The following PCDH15 variants were observed in gnomAD, a reference collection of about 807,000 sequenced individuals.
PCDH15 encodes the protein protocadherin related 15.
Under a neutral mutation model 178.5 loss-of-function variants are expected in PCDH15, and 129 were observed. That is an observed-to-expected ratio of 0.72 (90% CI 0.63 to 0.84). PCDH15 has a LOEUF of 0.84. Among genes scored for constraint, PCDH15 ranks in the 40% least tolerant of loss-of-function variants. The probability of loss-of-function intolerance (pLI) is 0.00; values close to 1 mark genes in which losing one functional copy is unlikely to be tolerated. For missense variants in PCDH15, 2,230 were observed against 2,099.9 expected, an observed-to-expected ratio of 1.06 and a Z score of -1.21; for synonymous variants, 800 against 732.0, an observed-to-expected ratio of 1.09 and a Z score of -1.50.
chr10:55,503,214 A>C (rs1186327089), intron 2 of PCDH15, among the ~76,000 whole-genome samples: 1 of 151,242 alleles, frequency 6.6e-6, no homozygotes, highest in African/African-American at 2.4e-5. Context: ...TCCTCAATAC[A>C]ATTACAAAGT....
chr10:53,859,791 A>C (rs2078984251), intron 27 of PCDH15, among the ~76,000 whole-genome samples: 1 of 152,156 alleles, frequency 6.6e-6, no homozygotes, highest in Non-Finnish European at 1.5e-5. Flanking sequence ...CACTTTACAA[A>C]TATGATATAT....
intron 1 of PCDH15, among the ~76,000 whole-genome samples, chr10:54,687,688 C>A (rs966193552): frequency 6.6e-6 from 1 of 152,024 alleles, no homozygotes; most frequent in African/African-American, 2.4e-5. Flanking sequence ...CCTCGTTTTT[C>A]TGTATGTTTC....
At chr10:54,875,830 G>A (rs1403697665) in intron 3 of PCDH15, among the ~76,000 whole-genome samples, 3 of 152,200 alleles carry the variant, frequency 2.0e-5, no homozygotes, top group Non-Finnish European at 4.4e-5. Context: ...TAACATGAAA[G>A]TGCAAGGTGA....
chr10:54,793,415 A>G (rs896475258), intron 1 of PCDH15, among the ~76,000 whole-genome samples: 13 of 151,922 alleles, frequency 8.6e-5, no homozygotes, highest in African/African-American at 2.7e-4. Flanking sequence ...GCCATTCTGA[A>G]AAATCATGGA....
chr10:54,827,420 A>T (rs1953150391), intron 3 of PCDH15, among the ~76,000 whole-genome samples: 1 of 152,126 alleles, frequency 6.6e-6, no homozygotes, highest in Admixed American at 6.6e-5. Context: ...AACATGATCC[A>T]TTGAAAAAAT....
intron 3 of PCDH15, among the ~76,000 whole-genome samples, chr10:54,449,855 TC>T (rs1329925930): frequency 6.6e-6 from 1 of 151,612 alleles, no homozygotes; most frequent in Non-Finnish European, 1.5e-5. Context: ...GGGCGGCAGG[TC>T]CTGGAATCCA....
chr10:53,912,151 T>C, intron 25 of PCDH15, among the ~76,000 whole-genome samples: 1 of 151,930 alleles, frequency 6.6e-6, no homozygotes, highest in East Asian at 1.9e-4. Flanking sequence ...CATACACAAA[T>C]CAATAAACGT....
intron 2 of PCDH15, among the ~76,000 whole-genome samples, chr10:55,042,643 C>T (rs180764777): frequency 6.1e-4 from 93 of 152,124 alleles, no homozygotes; most frequent in African/African-American, 1.9e-3. Flanking sequence ...TTGACCCAAA[C>T]AAGTCAAAGG....
At chr10:54,150,807 T>C (rs1436962479) in intron 14 of PCDH15, among the ~76,000 whole-genome samples, 2 of 152,108 alleles carry the variant, frequency 1.3e-5, no homozygotes, top group African/African-American at 4.8e-5. Context: ...ATGACAACTA[T>C]ACATAATCTT....
At chr10:53,975,384 AT>A (rs2090101752) in intron 21 of PCDH15, among the ~76,000 whole-genome samples, 2 of 152,184 alleles carry the variant, frequency 1.3e-5, no homozygotes, top group Non-Finnish European at 2.9e-5. Context: ...GGCTGAATTA[AT>A]TTACATTCCC....
At chr10:54,668,780 C>CAA (rs2094611481) in intron 1 of PCDH15, among the ~76,000 whole-genome samples, 1 of 152,172 alleles carries the variant, frequency 6.6e-6, no homozygotes, top group African/African-American at 2.4e-5. Flanking sequence ...CTTGAGATAC[C>CAA]AAAACTTGGA....
At chr10:53,914,087 T>C (rs1237165006) in intron 25 of PCDH15, among the ~76,000 whole-genome samples, 1 of 152,192 alleles carries the variant, frequency 6.6e-6, no homozygotes, top group Admixed American at 6.5e-5. Context: ...CCAGTTAGAA[T>C]GGCAATCATT....
At chr10:54,229,734 A>G (rs2053859101) in intron 9 of PCDH15, among the ~76,000 whole-genome samples, 1 of 152,170 alleles carries the variant, frequency 6.6e-6, no homozygotes, top group South Asian at 2.1e-4. Flanking sequence ...AACATGTGGA[A>G]CTGTAAATCC....
At chr10:54,238,710 C>CACACACACACAA (rs1470333410) in intron 8 of PCDH15, among the ~76,000 whole-genome samples, 55 of 150,354 alleles carry the variant, frequency 3.7e-4, no homozygotes, top group Admixed American at 1.5e-3. Flanking sequence ...CACACACACA[C>CACACACACACAA]ACACTTTCCC....
At chr10:54,789,091 C>A (rs1163917863) in intron 1 of PCDH15, among the ~76,000 whole-genome samples, 1 of 151,724 alleles carries the variant, frequency 6.6e-6, no homozygotes, top group Non-Finnish European at 1.5e-5. Context: ...ATAAGTACGT[C>A]TAATATAGTG....
intron 1 of PCDH15, among the ~76,000 whole-genome samples, chr10:54,678,356 A>G (rs1308686051): frequency 6.6e-6 from 1 of 152,146 alleles, no homozygotes; most frequent in Admixed American, 6.5e-5. Context: ...GGTTAAAGTC[A>G]TTTGGATGAC....
At chr10:53,876,431 C>A (rs7068485) in intron 26 of PCDH15, among the ~76,000 whole-genome samples, 265 of 152,130 alleles carry the variant, frequency 1.7e-3, no homozygotes, top group African/African-American at 6.2e-3. Context: ...CGTGATCCAC[C>A]CGGCTCGGCC....
chr10:54,215,197 A>G (rs1293881120), intron 9 of PCDH15, among the ~76,000 whole-genome samples: 1 of 152,074 alleles, frequency 6.6e-6, no homozygotes, highest in African/African-American at 2.4e-5. Context: ...GACTTATTTA[A>G]GTTAAAGGGA....
At chr10:54,335,300 C>T (rs1309814742) in intron 6 of PCDH15, among the ~76,000 whole-genome samples, 3 of 152,166 alleles carry the variant, frequency 2.0e-5, no homozygotes, top group Non-Finnish European at 4.4e-5. Context: ...CTATGACTAA[C>T]TGAAGTAAGT....
Sources: gnomAD v4.1 joint callset for allele counts (sites outside exome capture counted in the v4.1 genomes callset) on GRCh38, gnomAD v4.1.1 for gene constraint, MANE v1.5 for transcripts, NCBI Gene and HGNC (gene_info 2026-07-23, HGNC 2026-07-21) for gene names.